The following SLC24A3 variants were observed in gnomAD, a reference collection of about 807,000 sequenced individuals.
SLC24A3 encodes solute carrier family 24 member 3, also known as sodium/potassium/calcium exchanger 3.
In SLC24A3, 28 loss-of-function variants were observed where a neutral mutation model predicts 75.8. That is an observed-to-expected ratio of 0.37 (90% CI 0.27 to 0.51). The LOEUF (loss-of-function observed/expected upper bound fraction) is 0.51. Among genes scored for constraint, SLC24A3 ranks in the 20% least tolerant of loss-of-function variants. The pLI, the probability that SLC24A3 is intolerant of heterozygous loss-of-function variation, is 0.94. For missense variants in SLC24A3, 663 were observed against 847.8 expected, an observed-to-expected ratio of 0.78 and a Z score of 2.71; for synonymous variants, 372 against 334.1, an observed-to-expected ratio of 1.11 and a Z score of -1.24.
chr20:19,546,866 C>A (rs1329889974), intron 3 of SLC24A3, among the ~76,000 whole-genome samples: 1 of 152,198 alleles, frequency 6.6e-6, no homozygotes, highest in African/African-American at 2.4e-5. Context: ...GCATCCCCCA[C>A]GCCTTCCCTT....
intron 3 of SLC24A3, among the ~76,000 whole-genome samples, chr20:19,574,060 C>T (rs1322898353): frequency 6.6e-6 from 1 of 152,150 alleles, no homozygotes. Flanking sequence ...CCAAGCAGCG[C>T]ATCTGGCTTT....
In SLC24A3 at chr20:19,571,025, G is replaced by A. The variant is rs139270789; in HGVS notation, c.349-8975G>A. 1.2e-3 allele frequency among the ~76,000 whole-genome samples: 180 copies of A among 152,158 alleles called. 1 individual carries two copies. The highest frequency in any genetic ancestry group is 4.1e-3 in the African/African-American group (171 of 41,516). ...CGTTCCTCAAGTAGAAAGCAGGCTT[G>A]TCCTCTTCCTGGAATGCTGTGTGGT... On this transcript the variant is annotated intron_variant, in intron 3 of 16. Transcript: ENST00000328041.
At chr20:19,679,533 TGGGGAG>T (rs1460293534) in intron 9 of SLC24A3, among the ~76,000 whole-genome samples, 17 of 86,798 alleles carry the variant, frequency 2.0e-4, no homozygotes, top group Admixed American at 5.7e-4. Context: ...AGGGAGACCG[TGGGGAG>T]GGGGAGAGGG....
At chr20:19,373,715 A>C (rs1377833969) in intron 2 of SLC24A3, among the ~76,000 whole-genome samples, 2 of 152,176 alleles carry the variant, frequency 1.3e-5, no homozygotes, top group South Asian at 4.1e-4. Flanking sequence ...AGACTGATGT[A>C]GGTGAGGGGA....
intron 3 of SLC24A3, among the ~76,000 whole-genome samples, chr20:19,540,541 A>G (rs571735964): frequency 4.7e-4 from 72 of 152,236 alleles, no homozygotes; most frequent in African/African-American, 1.7e-3. Context: ...GGCCAGTAAC[A>G]CCCACTCCCC....
chr20:19,649,602 T>C (rs1016690338), intron 6 of SLC24A3, among the ~76,000 whole-genome samples: 1 of 152,218 alleles, frequency 6.6e-6, no homozygotes. Flanking sequence ...TTTTTTTGTT[T>C]GTTTGTTTTT....
At chr20:19,385,485 C>G (rs1986256748) in intron 2 of SLC24A3, among the ~76,000 whole-genome samples, 1 of 152,092 alleles carries the variant, frequency 6.6e-6, no homozygotes, top group Non-Finnish European at 1.5e-5. Flanking sequence ...TTGTTCTGTT[C>G]CATTGACCTG....
chr20:19,277,836 G>A (rs1032494461), intron 1 of SLC24A3, among the ~76,000 whole-genome samples: 2 of 152,158 alleles, frequency 1.3e-5, no homozygotes, highest in Non-Finnish European at 2.9e-5. Flanking sequence ...GGCATATGAA[G>A]GAACTTTGGA....
At chr20:19,280,408 T>C (rs544307808) in intron 1 of SLC24A3, among the ~76,000 whole-genome samples, 5 of 152,206 alleles carry the variant, frequency 3.3e-5, no homozygotes, top group Non-Finnish European at 4.4e-5. Flanking sequence ...GGTGGTTCAT[T>C]TGGGGGCTGA....
At chr20:19,696,001 CT>C (rs139949169) in intron 13 of SLC24A3, among the ~76,000 whole-genome samples, 1 of 135,528 alleles carries the variant, frequency 7.4e-6, no homozygotes, top group Non-Finnish European at 1.6e-5. Context: ...TGGCTTTCCC[CT>C]TTTTTTCCTT....
intron 2 of SLC24A3, among the ~76,000 whole-genome samples, chr20:19,409,794 T>C (rs1312830969): frequency 6.6e-6 from 1 of 151,984 alleles, no homozygotes; most frequent in Non-Finnish European, 1.5e-5. Flanking sequence ...TACACAGTTA[T>C]ATAACTGTGC....
At chr20:19,534,831 C>T (rs1412618942) in intron 3 of SLC24A3, among the ~76,000 whole-genome samples, 1 of 152,106 alleles carries the variant, frequency 6.6e-6, no homozygotes, top group Non-Finnish European at 1.5e-5. Context: ...TAGATCTAGA[C>T]CAGCATTTTC....
At chr20:19,655,546 C>T (rs147530433) in intron 7 of SLC24A3, among the ~76,000 whole-genome samples, 1 of 152,276 alleles carries the variant, frequency 6.6e-6, no homozygotes, top group East Asian at 1.9e-4. Context: ...GAAAGTATTT[C>T]TGGCTGTCTG....
chr20:19,363,430 A>G (rs1985829013), intron 2 of SLC24A3, among the ~76,000 whole-genome samples: 1 of 152,344 alleles, frequency 6.6e-6, no homozygotes, highest in African/African-American at 2.4e-5. Flanking sequence ...TCTTAAGTTC[A>G]TTATCCAGAA....
chr20:19,558,510 C>G (rs1363808157), intron 3 of SLC24A3, among the ~76,000 whole-genome samples: 1 of 152,144 alleles, frequency 6.6e-6, no homozygotes, highest in Non-Finnish European at 1.5e-5. Context: ...CTGGTCCAAC[C>G]CAAGATCCCA....
chr20:19,504,675 C>A (rs781475317), intron 2 of SLC24A3, among the ~76,000 whole-genome samples: 1 of 152,140 alleles, frequency 6.6e-6, no homozygotes, highest in African/African-American at 2.4e-5. Context: ...TGGGTCAGAC[C>A]CTAGGTCATC....
chr20:19,502,194 G>A (rs1183797603), intron 2 of SLC24A3, among the ~76,000 whole-genome samples: 1 of 152,106 alleles, frequency 6.6e-6, no homozygotes, highest in Non-Finnish European at 1.5e-5. Context: ...CTCGGTTGAG[G>A]CATCAGAGAT....
chr20:19,316,995 A>G (rs1425321867), intron 2 of SLC24A3, among the ~76,000 whole-genome samples: 1 of 151,674 alleles, frequency 6.6e-6, no homozygotes, highest in Non-Finnish European at 1.5e-5. Flanking sequence ...CCCTCCTCCC[A>G]CCCCTCTGAC....
chr20:19,365,027 A>G (rs1985863166), intron 2 of SLC24A3, among the ~76,000 whole-genome samples: 1 of 152,076 alleles, frequency 6.6e-6, no homozygotes. Context: ...AACCTTGTGC[A>G]CATCATCTGT....
Sources: gnomAD v4.1 joint callset for allele counts (sites outside exome capture counted in the v4.1 genomes callset) on GRCh38, gnomAD v4.1.1 for gene constraint, MANE v1.5 for transcripts, NCBI Gene and HGNC (gene_info 2026-07-23, HGNC 2026-07-21) for gene names.